The following CMAS variants were observed in gnomAD, a reference collection of about 807,000 sequenced individuals.
CMAS encodes the protein N-acylneuraminate cytidylyltransferase.
Under a neutral mutation model 53.4 loss-of-function variants are expected in CMAS, and 21 were observed. That is an observed-to-expected ratio of 0.39 (90% CI 0.28 to 0.57). CMAS has a LOEUF of 0.57. Ranked by LOEUF, CMAS falls within the 20% of genes least tolerant of loss-of-function variation. The pLI, the probability that CMAS is intolerant of heterozygous loss-of-function variation, is 0.56. For missense variants in CMAS, 384 were observed against 534.9 expected (o/e 0.72, Z 2.78); for synonymous variants, 189 against 195.2 (o/e 0.97, Z 0.27).
At chr12:22,064,910 A>G (rs971185150) in intron 7 of CMAS, among the ~76,000 whole-genome samples, 2 of 152,146 alleles carry the variant, frequency 1.3e-5, no homozygotes, top group African/African-American at 4.8e-5. Context: ...CTAGCTCATA[A>G]GAGTTTATTT....
At chr12:22,061,864 T>C (rs562673397) in intron 6 of CMAS, among the ~76,000 whole-genome samples, 1 of 152,260 alleles carries the variant, frequency 6.6e-6, no homozygotes, top group East Asian at 1.9e-4. Flanking sequence ...TTTTTTTAAA[T>C]GAAAGCTAGC....
intron 6 of CMAS, among the ~76,000 whole-genome samples, chr12:22,061,851 G>A (rs1273154970): frequency 1.3e-5 from 2 of 152,070 alleles, no homozygotes; most frequent in African/African-American, 2.4e-5. Flanking sequence ...ACGTTTAAGT[G>A]TATTTTTTTA....
chr12:22,064,964 A>C (rs1201864679), intron 7 of CMAS, among the ~76,000 whole-genome samples, 157 bp from the exon 8 acceptor site: 1 of 152,204 alleles, frequency 6.6e-6, no homozygotes, highest in Non-Finnish European at 1.5e-5. Context: ...ATACTGTAAA[A>C]TATTTTTGTT....
intron 7 of CMAS, chr12:22,063,675 AT>A (rs960923522): frequency 7.9e-5 from 12 of 152,046 alleles, no homozygotes; most frequent in African/African-American, 2.7e-4. Flanking sequence ...TTTTGCTTCT[AT>A]TTTTTAAAAA....
At chr12:22,047,569 A>G (rs1950214561) in intron 1 of CMAS, among the ~76,000 whole-genome samples, 1 of 152,196 alleles carries the variant, frequency 6.6e-6, no homozygotes, top group Non-Finnish European at 1.5e-5. Context: ...GAGATGCCAA[A>G]AAAGTATAAA....
chr12:22,046,998 G>C (rs1950211513), intron 1 of CMAS, among the ~76,000 whole-genome samples: 1 of 152,134 alleles, frequency 6.6e-6, no homozygotes, highest in African/African-American at 2.4e-5. Flanking sequence ...TGCTCGATTA[G>C]GGAGGCATCA....
chr12:22,053,019 C>T (rs374791064), intron 1 of CMAS, among the ~76,000 whole-genome samples: 11 of 152,108 alleles, frequency 7.2e-5, no homozygotes, highest in Admixed American at 6.5e-5. Context: ...TTCAGCCGAG[C>T]GTGGTGGCTT....
Position 22,057,752 on chromosome 12 carries a change from T to C in CMAS, c.560-815T>C, listed in dbSNP as rs964414699. 3.9e-5 allele frequency among the ~76,000 whole-genome samples: 6 copies of C among 152,302 alleles called. No homozygotes were observed. The East Asian group carries it at 1.2e-3, about 29-fold the overall frequency. ...TTCCACATTTCATTATAAAATACTT[T>C]AGTTTTCTAGTAGCTATTGGAAAGC... On this transcript the variant is annotated intron_variant, in intron 3 of 7. Coordinates refer to ENST00000229329, the MANE Select transcript of CMAS (RefSeq NM_018686.6).
chr12:22,052,338 A>C (rs1253142261), intron 1 of CMAS, among the ~76,000 whole-genome samples: 1 of 152,050 alleles, frequency 6.6e-6, no homozygotes, highest in African/African-American at 2.4e-5. Flanking sequence ...CAGAATAAGC[A>C]CTTAGTAAAT....
chr12:22,060,762 T>A, intron 4 of CMAS, 70 bp from the exon 5 acceptor site: 1 of 861,332 alleles, frequency 1.2e-6, no homozygotes, highest in Non-Finnish European at 2.0e-6. Context: ...TTGTTCTGTA[T>A]TATAATAAAG....
In CMAS at chr12:22,046,346, C is replaced by A; in HGVS notation, c.43C>A (p.Pro15Thr). Residue 15 changes from proline to threonine, a missense_variant, in exon 1 of 8, where the codon CCG (proline) becomes ACG (threonine). Around this residue, in one of 3 missense-constraint regions of CMAS, gnomAD observed 111 missense variants for 132.2 expected, o/e 0.84. Coordinates refer to ENST00000229329, the MANE Select transcript of CMAS (RefSeq NM_018686.6). ...GGGGGCCGCCACCTCCGTCTCCAAC[C>A]CGCGGGGGCGACCGTCCCGGGGCCG... is the stretch of plus-strand genomic sequence containing the variant. The part of the protein sequence containing the change: ...EKGAATSVSN[P>T]RGRPSRGRPP... The A allele has an allele frequency of 6.6e-7, 1 of 1,519,830 alleles. No homozygotes were observed. The highest frequency in any genetic ancestry group is 8.8e-7 in the Non-Finnish European group (1 of 1,132,600). The allele number at this position is 1,519,830 out of a possible 1,614,324, so 94.1% of individuals were successfully genotyped here. A position where few individuals can be genotyped will look rare whatever the true frequency, so the allele number is the denominator to read the frequency against.
chr12:22,049,029 A>G (rs1192641692), intron 1 of CMAS, among the ~76,000 whole-genome samples: 1 of 152,104 alleles, frequency 6.6e-6, no homozygotes, highest in East Asian at 1.9e-4. Flanking sequence ...ACAGAATACA[A>G]TCTGTCCTTA....
In CMAS at chr12:22,046,445, C is replaced by T. The variant is rs775094849; in HGVS notation, c.142C>T (p.Leu48=). Residue 48 remains leucine (L), a synonymous_variant, in exon 1 of 8, where the codon CTA becomes TTA. Transcript: ENST00000229329. ...GVEKPPHLAA[L]ILARGGSKGI... Reference sequence around the variant, plus strand: ...GGAGAAGCCCCCGCACCTGGCAGCCCTAATTCTGGCCCGGGGAGGCAGCAA... The same window carrying T: ...GGAGAAGCCCCCGCACCTGGCAGCCTTAATTCTGGCCCGGGGAGGCAGCAA... 2 of 1,609,986 alleles carry T rather than the reference C, an allele frequency of 1.2e-6. No homozygotes were observed. The highest frequency in any genetic ancestry group is 1.7e-6 in the Non-Finnish European group (2 of 1,178,622).
intron 3 of CMAS, among the ~76,000 whole-genome samples, chr12:22,056,205 A>T (rs547933262): frequency 2.0e-5 from 3 of 152,162 alleles, no homozygotes; most frequent in Non-Finnish European, 1.5e-5. Flanking sequence ...TATCCATTTT[A>T]AAAAAAGGTC....
rs750689411 is a variant in CMAS, at chr12:22,046,431, C to G, written c.128C>G (p.Pro43Arg). 20 of 1,607,896 alleles carry G rather than the reference C, an allele frequency of 1.2e-5. No homozygotes were observed. The highest frequency in any genetic ancestry group is 4.0e-5 in the African/African-American group (3 of 74,638). Reference sequence around the variant, plus strand: ...CAGGGCCGAGGTGTGGAGAAGCCCCCGCACCTGGCAGCCCTAATTCTGGCC... The same window carrying G: ...CAGGGCCGAGGTGTGGAGAAGCCCCGGCACCTGGCAGCCCTAATTCTGGCC... ...GGQGRGVEKP[P>R]HLAALILARG... The change falls in exon 1 of 8, where the codon CCG becomes CGG. Residue 43 changes from proline to arginine, a missense_variant. This residue lies in a region of CMAS where 111 missense variants were observed against 132.2 expected (regional missense o/e 0.84). Transcript: ENST00000229329.
At chr12:22,061,625 G>C (rs1338398141) in intron 6 of CMAS, among the ~76,000 whole-genome samples, 173 bp downstream of exon 6, 1 of 152,034 alleles carries the variant, frequency 6.6e-6, no homozygotes, top group African/African-American at 2.4e-5. Context: ...AGTAGAATTA[G>C]GAATTTGTTA....
chr12:22,060,828 T>C lies in CMAS; in HGVS notation c.694-4T>C, dbSNP rs1366198242. On this transcript the variant is annotated splice_polypyrimidine_tract_variant and splice_region_variant and intron_variant, in intron 4 of 7. Transcript: ENST00000229329. ...AGTATTCATGACATTTATACTACCT[T>C]TAGGGTGGAAAAATGGCATACTACG... The C allele has an allele frequency of 6.4e-7, 1 of 1,567,134 alleles. No individual in the cohort carries two copies. Among genetic ancestry groups the C allele is most frequent in the African/African-American group, 1.4e-5 (1 of 73,852 alleles).
At chr12:22,059,313 A>G (rs1414405131) in intron 4 of CMAS, among the ~76,000 whole-genome samples, 1 of 151,860 alleles carries the variant, frequency 6.6e-6, no homozygotes, top group African/African-American at 2.4e-5. Flanking sequence ...TTAACTTGTT[A>G]ATTTTAGTTA....
Position 22,046,406 on chromosome 12 carries a change from C to T in CMAS, c.103C>T (p.Gln35Ter). ...GCTGCAGCGCAACTCTCGCGGCGGC[C>T]AGGGCCGAGGTGTGGAGAAGCCCCC... ...PKLQRNSRGG[Q>*]GRGVEKPPHL... Residue 35 changes from glutamine to a stop codon, truncating the protein, a stop_gained, in exon 1 of 8, where the codon CAG (glutamine) becomes TAG (stop). Coordinates refer to ENST00000229329, the MANE Select transcript of CMAS (RefSeq NM_018686.6). LOFTEE classifies it high-confidence loss of function. The T allele has an allele frequency of 6.3e-7, 1 of 1,593,590 alleles. No homozygotes were observed.
Sources: gnomAD v4.1 joint callset for allele counts (sites outside exome capture counted in the v4.1 genomes callset) on GRCh38, gnomAD v4.1.1 for gene constraint, gnomAD v4.1.1 regional missense constraint, MANE v1.5 for transcripts, NCBI Gene and HGNC (gene_info 2026-07-23, HGNC 2026-07-21) for gene names.